Variants in SCAMP5 observed in about 807,000 individuals in gnomAD.
SCAMP5 encodes the protein secretory carrier-associated membrane protein 5.
In SCAMP5, 7 loss-of-function variants were observed where a neutral mutation model predicts 28.3. The observed-to-expected ratio is 0.25, with a 90% confidence interval of 0.14 to 0.46. SCAMP5 has a LOEUF of 0.46. Among genes scored for constraint, SCAMP5 ranks in the 20% least tolerant of loss-of-function variants. The pLI, the probability that SCAMP5 is intolerant of heterozygous loss-of-function variation, is 0.99. For missense variants in SCAMP5, 192 were observed against 312.5 expected (o/e 0.61, Z 2.91); for synonymous variants, 117 against 116.4 (o/e 1.00, Z -0.03).
chr15:74,998,570 C>T (rs1012641985), intron 1 of SCAMP5, among the ~76,000 whole-genome samples: 3 of 150,086 alleles, frequency 2.0e-5, no homozygotes, highest in African/African-American at 7.4e-5. Flanking sequence ...CGTGCCACTG[C>T]ACTCCAGCCT....
chr15:75,016,634 G>A lies in SCAMP5; in HGVS notation c.178G>A (p.Ala60Thr). The change falls in exon 4 of 7, where the codon GCG (alanine) becomes ACG (threonine). Residue 60 changes from alanine (A) to threonine (T), a missense_variant. Transcript: ENST00000425597. ...TLAVNLVGCL[A>T]WLIGGGGATN... ...GGCCGTGAACCTGGTGGGCTGTCTC[G>A]CGTGGCTGATCGGAGGCGGGGGAGC... 6.2e-7 allele frequency: 1 copy of A among 1,613,720 alleles called. No homozygotes were observed. The highest frequency in any genetic ancestry group is 8.5e-7 in the Non-Finnish European group (1 of 1,179,842).
chr15:75,009,558 C>T (rs1452569042), intron 1 of SCAMP5, among the ~76,000 whole-genome samples: 1 of 151,476 alleles, frequency 6.6e-6, no homozygotes, highest in Non-Finnish European at 1.5e-5. Context: ...CTCACTGCAG[C>T]CTCTACCTCC....
rs1224472129 is a variant in SCAMP5, at chr15:75,019,244, G to A, written c.*261G>A. 1 of 266,328 alleles carries A rather than the reference G, an allele frequency of 3.8e-6. No homozygotes were observed. The highest frequency in any genetic ancestry group is 6.9e-6 in the Non-Finnish European group (1 of 144,846). The allele number at this position is 266,328 out of a possible 1,614,324, so 16.5% of individuals were successfully genotyped here. On this transcript the variant is annotated 3_prime_UTR_variant, in exon 7 of 7. Transcript: ENST00000425597. ...GTAGTAGCTGTGTCTGTGTCCCCTC[G>A]TGAAATAGTGTGCAGTGGAGGTCTC...
intron 1 of SCAMP5, among the ~76,000 whole-genome samples, chr15:75,009,441 TTGTG>T (rs3057655): frequency 0.012 from 1,681 of 136,126 alleles, 10 homozygotes; most frequent in African/African-American, 0.02. Flanking sequence ...TGCTAGAAGT[TTGTG>T]TGTGTGTGTG....
intron 1 of SCAMP5, among the ~76,000 whole-genome samples, chr15:74,999,902 T>A (rs1327165688): frequency 6.6e-6 from 1 of 152,184 alleles, no homozygotes; most frequent in Non-Finnish European, 1.5e-5. Flanking sequence ...GACCAGTCAT[T>A]AAAAAGATTG....
chr15:75,018,672 C>T lies in SCAMP5; in HGVS notation c.514-117C>T, dbSNP rs1254334839. On this transcript the variant is annotated intron_variant, in intron 6 of 6. Transcript: ENST00000425597. This position sits in a 1 kb window ranked among gnomAD's most constrained non-coding sequence, Gnocchi z 5.6. ...TGGAATGGCCTGCAGGACTCTCCTA[C>T]AGAGGCATTCATGGGGAGGGAGCAC... 3.9e-6 allele frequency: 4 copies of T among 1,014,130 alleles called. No individual in the cohort carries two copies. The South Asian group carries it at 4.0e-5, about 10-fold the overall frequency. The allele number at this position is 1,014,130 out of a possible 1,614,324, so 62.8% of individuals were successfully genotyped here.
At chr15:74,998,329 G>A (rs1027167465) in intron 1 of SCAMP5, among the ~76,000 whole-genome samples, 3 of 152,166 alleles carry the variant, frequency 2.0e-5, no homozygotes, top group Non-Finnish European at 4.4e-5. Context: ...TGGTTTGGCC[G>A]GCGCGGTGGC....
At chr15:75,003,981 C>T (rs1283204051) in intron 1 of SCAMP5, among the ~76,000 whole-genome samples, 8 of 151,912 alleles carry the variant, frequency 5.3e-5, no homozygotes, top group African/African-American at 1.7e-4. Flanking sequence ...CTCCGCTCAC[C>T]GCAACCTCCG....
In SCAMP5 at chr15:75,018,584, G is replaced by A; in HGVS notation, c.513+49G>A. ...GAAGGTGGCTTTGGGAAGGGGCCAT[G>A]TTCTGAAACAAGCCCTCCTCCAAGT... On this transcript the variant is annotated intron_variant, in intron 6 of 6. Transcript: ENST00000425597. This position sits in a 1 kb window ranked among gnomAD's most constrained non-coding sequence, Gnocchi z 5.6. 5 of 1,330,104 alleles carry A rather than the reference G, an allele frequency of 3.8e-6. No individual in the cohort carries two copies. Among genetic ancestry groups the A allele is most frequent in the South Asian group, 1.2e-5 (1 of 85,522 alleles). 82.4% of individuals were successfully genotyped at this position (1,330,104 alleles called of 1,614,324 possible).
At chr15:75,011,973 G>A in intron 2 of SCAMP5, 127 bp downstream of exon 2, 2 of 683,702 alleles carry the variant, frequency 2.9e-6, no homozygotes. Flanking sequence ...CTGTCCCCAA[G>A]CTTTCCCCAC....
intron 3 of SCAMP5, among the ~76,000 whole-genome samples, chr15:75,015,589 A>G (rs1447120869): frequency 6.6e-6 from 1 of 152,144 alleles, no homozygotes; most frequent in African/African-American, 2.4e-5. Flanking sequence ...TTGCAGTAGC[A>G]AAGGAAGACT....
At position 75,016,756 on chromosome 15, in the gene SCAMP5, G is replaced by A; in HGVS notation, c.293+7G>A. The A allele has an allele frequency of 6.2e-7, 1 of 1,612,458 alleles. No homozygotes were observed. Among genetic ancestry groups the A allele is most frequent in the Non-Finnish European group, 8.5e-7 (1 of 1,179,064 alleles). On this transcript the variant is annotated splice_region_variant and intron_variant, in intron 4 of 6. Coordinates refer to ENST00000425597, the MANE Select transcript of SCAMP5 (RefSeq NM_138967.4). ...CCATTTACAAGGCCTTCAAGTAAGT[G>A]GTTGGTGCTATCCGCAGTGCCTAGC...
At chr15:75,008,285 G>C (rs2065779577) in intron 1 of SCAMP5, among the ~76,000 whole-genome samples, 1 of 151,854 alleles carries the variant, frequency 6.6e-6, no homozygotes, top group Non-Finnish European at 1.5e-5. Context: ...ACTCATCGTA[G>C]CCCTTCCGTT....
At chr15:75,008,014 T>TTTGCC (rs946417693) in intron 1 of SCAMP5, among the ~76,000 whole-genome samples, 2 of 152,142 alleles carry the variant, frequency 1.3e-5, no homozygotes, top group African/African-American at 2.4e-5. Context: ...TGCAGTTATT[T>TTTGCC]TTGCCCTTGA....
At position 75,016,769 on chromosome 15, in the gene SCAMP5, C is replaced by A. The variant is rs201327994; in HGVS notation, c.293+20C>A. The A allele has an allele frequency of 1.1e-5, 17 of 1,604,578 alleles. No individual in the cohort carries two copies. The highest frequency in any genetic ancestry group is 1.4e-5 in the Non-Finnish European group (16 of 1,173,524). ...CTTCAAGTAAGTGGTTGGTGCTATC[C>A]GCAGTGCCTAGCCGTCTCTGCCCAT... On this transcript the variant is annotated intron_variant, in intron 4 of 6. Coordinates refer to ENST00000425597, the MANE Select transcript of SCAMP5 (RefSeq NM_138967.4).
Position 75,018,661 on chromosome 15 carries a change from G to A in SCAMP5, c.513+126G>A. 1 of 1,022,272 alleles carries A rather than the reference G, an allele frequency of 9.8e-7. No individual in the cohort carries two copies. The highest frequency in any genetic ancestry group is 1.3e-5 in the South Asian group (1 of 78,412). The allele number at this position is 1,022,272 out of a possible 1,614,324, so 63.3% of individuals were successfully genotyped here. On this transcript the variant is annotated intron_variant, in intron 6 of 6. Transcript: ENST00000425597. The surrounding 1 kb of genome is among the most constrained non-coding windows in gnomAD (Gnocchi z 5.6). ...GGGACTCACTCTGGAATGGCCTGCA[G>A]GACTCTCCTACAGAGGCATTCATGG...
chr15:75,016,475 T>A (rs2141454384), intron 3 of SCAMP5, 118 bp from the exon 4 acceptor site: 1 of 921,616 alleles, frequency 1.1e-6, no homozygotes, highest in East Asian at 2.4e-5. Context: ...TTGGCCTGGC[T>A]TGATTGTGGG....
At chr15:75,001,869 CAAAAAAAAAAAAAAAAA>C (rs769760180) in intron 1 of SCAMP5, among the ~76,000 whole-genome samples, 1 of 40,452 alleles carries the variant, frequency 2.5e-5, no homozygotes, top group Non-Finnish European at 4.4e-5. Context: ...GACTCGGTCT[CAAAAAAAAAAAAAAAAA>C]AAAAAAAAAA....
intron 1 of SCAMP5, among the ~76,000 whole-genome samples, chr15:75,009,385 G>T (rs1235367171): frequency 6.6e-6 from 1 of 151,474 alleles, no homozygotes; most frequent in Admixed American, 6.6e-5. Context: ...TCCGAAGATT[G>T]TAATTGCCCG....
Sources: gnomAD v4.1 joint callset for allele counts (sites outside exome capture counted in the v4.1 genomes callset) on GRCh38, gnomAD v4.1.1 for gene constraint, Gnocchi (gnomAD v3.1) non-coding constraint, MANE v1.5 for transcripts, NCBI Gene and HGNC (gene_info 2026-07-23, HGNC 2026-07-21) for gene names.